The following ASIC2 variants were observed in gnomAD, a reference collection of about 807,000 sequenced individuals.
ASIC2 encodes the protein acid sensing ion channel subunit 2, also known as acid-sensing ion channel 2.
A neutral mutation model predicts 57.3 loss-of-function variants in ASIC2; 25 were observed. The ratio of observed to expected loss-of-function variants is 0.44; its 90% CI spans 0.32 to 0.61. The LOEUF (loss-of-function observed/expected upper bound fraction) is 0.61, where lower values mean the gene tolerates loss of function less well. ASIC2 is among the 20% of genes least tolerant of loss of function. ASIC2 has a pLI of 0.06. For missense variants in ASIC2, 641 were observed against 738.1 expected, an observed-to-expected ratio of 0.87 and a Z score of 1.52; for synonymous variants, 319 against 307.5, an observed-to-expected ratio of 1.04 and a Z score of -0.39.
intron 1 of ASIC2, among the ~76,000 whole-genome samples, chr17:34,123,438 T>C (rs1436082901): frequency 6.6e-6 from 1 of 152,104 alleles, no homozygotes; most frequent in Non-Finnish European, 1.5e-5. Flanking sequence ...GGGGCCAGAC[T>C]CCTGGGGAAT....
At chr17:33,441,525 G>A (rs573404921) in intron 1 of ASIC2, among the ~76,000 whole-genome samples, 2 of 152,198 alleles carry the variant, frequency 1.3e-5, no homozygotes, top group South Asian at 4.2e-4. Context: ...TTGTATTGAT[G>A]GGGCTTCAGG....
intron 1 of ASIC2, among the ~76,000 whole-genome samples, chr17:33,206,217 T>G (rs538568202): frequency 1.3e-5 from 2 of 152,244 alleles, no homozygotes; most frequent in East Asian, 3.9e-4. Context: ...TGGTATCATA[T>G]TGCCTCATAA....
rs188731263 is a variant in ASIC2, at chr17:33,999,615, T to C, written c.555+156363A>G. On this transcript the variant is annotated intron_variant, in intron 1 of 9. Coordinates refer to the ASIC2 transcript ENST00000359872. ...CAGTGTATTTTAAGCTGATAACAACTTAACTTCAATCACATACAAAAATTC... is the reference window on the plus strand; with the variant it reads ...CAGTGTATTTTAAGCTGATAACAACCTAACTTCAATCACATACAAAAATTC... 2.2e-3 allele frequency among the ~76,000 whole-genome samples: 339 copies of C among 152,320 alleles called. 2 individuals are homozygous for C. The highest frequency in any genetic ancestry group is 8.0e-3 in the African/African-American group (331 of 41,568).
intron 1 of ASIC2, among the ~76,000 whole-genome samples, chr17:33,319,480 C>T (rs1906784703): frequency 1.3e-5 from 2 of 152,124 alleles, no homozygotes; most frequent in African/African-American, 2.4e-5. Flanking sequence ...GGATTCAGAC[C>T]ACCCTCCTTT....
chr17:33,210,866 A>G (rs1004168838), intron 1 of ASIC2, among the ~76,000 whole-genome samples: 2 of 152,126 alleles, frequency 1.3e-5, no homozygotes, highest in African/African-American at 4.8e-5. Context: ...GTGGGCTTTG[A>G]GTCAGTCATG....
chr17:33,283,685 C>T (rs1160965532), intron 1 of ASIC2, among the ~76,000 whole-genome samples: 5 of 152,300 alleles, frequency 3.3e-5, no homozygotes, highest in East Asian at 1.9e-4. Context: ...AATGCTGGCT[C>T]TTCTTGTATT....
At chr17:33,729,279 T>C (rs1190405442) in intron 1 of ASIC2, among the ~76,000 whole-genome samples, 4 of 152,148 alleles carry the variant, frequency 2.6e-5, no homozygotes, top group African/African-American at 9.7e-5. Context: ...GGTGCCACAC[T>C]TTTTTAAACA....
intron 1 of ASIC2, chr17:34,039,699 A>C (rs1908031321): frequency 6.2e-7 from 1 of 1,612,134 alleles, no homozygotes; most frequent in Non-Finnish European, 8.5e-7. Flanking sequence ...TTCGCTGGTC[A>C]TTCTGCTTTT....
chr17:34,018,550 T>C (rs1191490713), intron 1 of ASIC2, among the ~76,000 whole-genome samples: 1 of 152,192 alleles, frequency 6.6e-6, no homozygotes, highest in Non-Finnish European at 1.5e-5. Context: ...TCTCATGAAT[T>C]TGGGCAAAGT....
At chr17:33,759,721 C>T (rs1317617453) in intron 1 of ASIC2, among the ~76,000 whole-genome samples, 1 of 152,164 alleles carries the variant, frequency 6.6e-6, no homozygotes, top group Non-Finnish European at 1.5e-5. Flanking sequence ...ATGCAGTGCT[C>T]CTTGGCTACC....
At chr17:33,662,598 G>A (rs1485038481) in intron 1 of ASIC2, among the ~76,000 whole-genome samples, 1 of 150,854 alleles carries the variant, frequency 6.6e-6, no homozygotes, top group African/African-American at 2.5e-5. Context: ...ACTCCAGCCT[G>A]GGTGACAAAG....
chr17:33,862,061 CT>C (rs1367972782), intron 1 of ASIC2, among the ~76,000 whole-genome samples: 5 of 152,194 alleles, frequency 3.3e-5, no homozygotes, highest in African/African-American at 1.2e-4. Flanking sequence ...CAGGTCACAC[CT>C]TTTACCAGTG....
At chr17:33,109,809 C>A (rs192700775) in intron 2 of ASIC2, among the ~76,000 whole-genome samples, 27 of 152,320 alleles carry the variant, frequency 1.8e-4, no homozygotes, top group Admixed American at 1.7e-3. Flanking sequence ...CACTGCATGA[C>A]TTCAAAGACA....
chr17:33,349,278 T>C (rs1432616575), intron 1 of ASIC2, among the ~76,000 whole-genome samples: 2 of 152,346 alleles, frequency 1.3e-5, no homozygotes, highest in East Asian at 3.9e-4. Flanking sequence ...TAAAATGCTC[T>C]GTGGACCAAA....
At chr17:33,407,063 G>T (rs1173182245) in intron 1 of ASIC2, among the ~76,000 whole-genome samples, 1 of 152,176 alleles carries the variant, frequency 6.6e-6, no homozygotes, top group African/African-American at 2.4e-5. Context: ...TAGTTATTTA[G>T]TTTCTCTGAG....
At chr17:33,612,317 T>C (rs966594141) in intron 1 of ASIC2, among the ~76,000 whole-genome samples, 5 of 152,242 alleles carry the variant, frequency 3.3e-5, no homozygotes, top group Non-Finnish European at 5.9e-5. Context: ...GGCTGATACC[T>C]GTGGTTCTTT....
intron 1 of ASIC2, among the ~76,000 whole-genome samples, chr17:33,214,691 G>A (rs1879987776): frequency 6.6e-6 from 1 of 151,870 alleles, no homozygotes; most frequent in African/African-American, 2.4e-5. Flanking sequence ...TAAGTTCCCA[G>A]GTGATGCCGA....
At chr17:33,650,908 T>C (rs1169424164) in intron 1 of ASIC2, among the ~76,000 whole-genome samples, 11 of 152,218 alleles carry the variant, frequency 7.2e-5, no homozygotes, top group Non-Finnish European at 1.6e-4. Context: ...ATTCTACCTT[T>C]TGACTGTGTC....
At chr17:33,665,568 G>C (rs1907445338) in intron 1 of ASIC2, among the ~76,000 whole-genome samples, 1 of 152,168 alleles carries the variant, frequency 6.6e-6, no homozygotes, top group African/African-American at 2.4e-5. Flanking sequence ...AAGCAAATGT[G>C]GCTGCCAACG....
Sources: allele counts gnomAD v4.1 joint callset (sites outside exome capture counted in the v4.1 genomes callset), GRCh38; gene constraint gnomAD v4.1.1; transcripts MANE v1.5; gene names NCBI Gene and HGNC (gene_info 2026-07-23, HGNC 2026-07-21).